TRMT2B: variants seen among roughly 807,000 people sequenced by gnomAD.
TRMT2B encodes tRNA (uracil-5-)-methyltransferase homolog B.
Under a neutral mutation model 39.7 loss-of-function variants are expected in TRMT2B, and 34 were observed. The ratio of observed to expected loss-of-function variants is 0.86; its 90% CI spans 0.65 to 1.14. The LOEUF is 1.14. Ranked by LOEUF, TRMT2B falls within the 50% of genes most tolerant of loss-of-function variation. The pLI is 0.00. For synonymous variants in TRMT2B, 132 were observed against 137.3 expected (o/e 0.96, Z 0.27); for missense variants, 318 against 377.2 (o/e 0.84, Z 1.30).
intron 5 of TRMT2B, 128 bp from the exon 6 acceptor site, chrX:101,037,201 T>A: frequency 4.0e-6 from 2 of 498,755 alleles, no homozygotes; most frequent in Non-Finnish European, 7.0e-6. Context: ...GTATGGCATA[T>A]GTGAAAGTCT....
intron 7 of TRMT2B, among the ~76,000 whole-genome samples, chrX:101,029,535 A>G (rs184259494): frequency 9.0e-6 from 1 of 111,418 alleles, no homozygotes; most frequent in African/African-American, 3.3e-5. Context: ...TCAACATATC[A>G]TATGATTTAC....
chrX:100,984,118 G>GTT, the TRMT2B span, among the ~76,000 whole-genome samples: 6 of 97,958 alleles, frequency 6.1e-5, no homozygotes, highest in South Asian at 4.6e-4. Flanking sequence ...TTTGTTTTTT[G>GTT]TTTTTTTTTT....
At position 101,038,068 on chromosome X, in the gene TRMT2B, G is replaced by A; in HGVS notation, c.304-17C>T. ...AAATTTCACCTGCAAAAGAATATAA[G>A]CTATGAAACGAAATACTGGCTGGGC... On this transcript the variant is annotated splice_polypyrimidine_tract_variant and intron_variant, in intron 4 of 13. Transcript: ENST00000372936. 1.7e-6 allele frequency: 2 copies of A among 1,205,831 alleles called. No homozygotes were observed. Among genetic ancestry groups the A allele is most frequent in the Non-Finnish European group, 2.2e-6 (2 of 892,094 alleles).
At chrX:100,997,102 G>A in the TRMT2B span, among the ~76,000 whole-genome samples, 1 of 110,581 alleles carries the variant, frequency 9.0e-6, no homozygotes, top group East Asian at 2.8e-4. Context: ...GGTACTTACA[G>A]TCAGTCAAAC....
chrX:100,987,862 G>C, the TRMT2B span, among the ~76,000 whole-genome samples: 1 of 111,903 alleles, frequency 8.9e-6, no homozygotes, highest in Non-Finnish European at 1.9e-5. Context: ...ATGTGGAGGA[G>C]AAAAGGAACA....
Position 101,010,624 on chromosome X carries a change from G to A in TRMT2B, c.1472C>T (p.Pro491Leu). 8 of 1,211,368 alleles carry A rather than the reference G, an allele frequency of 6.6e-6. No individual in the cohort carries two copies. Among genetic ancestry groups the A allele is most frequent in the African/African-American group, 1.7e-5 (1 of 57,798 alleles). Reference protein sequence around the residue: ...LQQAVPVDLFPHTPHCELVLL... With the variant: ...LQQAVPVDLFLHTPHCELVLL... ...CACCAGCTCACAATGTGGGGTGTGA[G>A]GGAACAAATCCACAGGTACAGCTTG... Residue 491 changes from proline (P) to leucine (L), a missense_variant, in exon 14 of 14, where the codon CCT (proline) becomes CTT (leucine). Physicochemically the swap from Pro to Leu is moderately conservative, Grantham distance 98. Coordinates refer to ENST00000372936, the MANE Select transcript of TRMT2B (RefSeq NM_024917.6).
chrX:101,001,348 G>T, the TRMT2B span, among the ~76,000 whole-genome samples: 1 of 110,360 alleles, frequency 9.1e-6, no homozygotes, highest in East Asian at 2.9e-4. Context: ...TAATCCTCCC[G>T]CCTCATCCTC....
At chrX:100,998,752 A>C in the TRMT2B span, among the ~76,000 whole-genome samples, 2 of 111,179 alleles carry the variant, frequency 1.8e-5, no homozygotes, top group African/African-American at 6.5e-5. Flanking sequence ...CTTGTCCTAG[A>C]TCACAGAGCA....
intron 7 of TRMT2B, among the ~76,000 whole-genome samples, chrX:101,035,314 C>T (rs947191677): frequency 8.9e-6 from 1 of 112,196 alleles, no homozygotes; most frequent in Non-Finnish European, 1.9e-5. Context: ...ATACTTCAGA[C>T]ACCTGACACT....
chrX:100,976,659 C>T, the TRMT2B span, among the ~76,000 whole-genome samples: 1 of 112,581 alleles, frequency 8.9e-6, no homozygotes, highest in African/African-American at 3.2e-5. Flanking sequence ...GTTGCCCAAG[C>T]TGGAGTGCAA....
At chrX:101,015,681 A>G in intron 13 of TRMT2B, 1 of 703,234 alleles carries the variant, frequency 1.4e-6, no homozygotes. Context: ...GTGAACTGCA[A>G]ATTATTTTCC....
the TRMT2B span, among the ~76,000 whole-genome samples, chrX:100,982,470 A>AAAATAAATAAAT: frequency 8.6e-3 from 789 of 91,279 alleles, 4 homozygotes; most frequent in African/African-American, 0.016. Context: ...CCAGGCTTAA[A>AAAATAAATAAAT]AAATAAATAA....
In TRMT2B at chrX:101,010,653, C is replaced by G; in HGVS notation, c.1443G>C (p.Leu481=). The part of the protein sequence containing the change: ...AKKLLGEPFV[L]QQAVPVDLFP... The stretch of plus-strand genomic sequence containing the variant: ...ACAAATCCACAGGTACAGCTTGCTG[C>G]AGGACAAAGGGCTCGCCTAAGAGCT... The change falls in exon 14 of 14, where the codon CTG becomes CTC. Residue 481 remains leucine (L), a synonymous_variant. Coordinates refer to ENST00000372936, the MANE Select transcript of TRMT2B (RefSeq NM_024917.6). The G allele has an allele frequency of 8.3e-7, 1 of 1,210,973 alleles. No individual in the cohort carries two copies. Among genetic ancestry groups the G allele is most frequent in the Non-Finnish European group, 1.1e-6 (1 of 895,151 alleles).
intron 2 of TRMT2B, among the ~76,000 whole-genome samples, chrX:101,047,553 C>T (rs925935033): frequency 1.8e-5 from 2 of 111,074 alleles, no homozygotes; most frequent in African/African-American, 3.3e-5. Context: ...TGGGGTTGGC[C>T]GGGCATGGTG....
chrX:101,007,708 A>G (rs2086124536), downstream of TRMT2B, among the ~76,000 whole-genome samples: 1 of 111,561 alleles, frequency 9.0e-6, no homozygotes, highest in Non-Finnish European at 1.9e-5. Context: ...CCAATGACAG[A>G]TTTTAAGTAA....
the TRMT2B span, among the ~76,000 whole-genome samples, chrX:101,000,042 A>T: frequency 1.8e-5 from 2 of 111,742 alleles, no homozygotes; most frequent in African/African-American, 6.5e-5. Flanking sequence ...CTAGAAGAGG[A>T]GTGGGAATCA....
Position 101,010,383 on chromosome X carries a change from G to A in TRMT2B, c.*198C>T. On this transcript the variant is annotated 3_prime_UTR_variant, in exon 14 of 14. Transcript: ENST00000372936. Reference sequence around the variant, plus strand: ...GCTGAGATCACGCCACGACACTCCAGCCTGGGCAAGAGTGAGACTCTATCT... The same window carrying A: ...GCTGAGATCACGCCACGACACTCCAACCTGGGCAAGAGTGAGACTCTATCT... The A allele has an allele frequency of 4.5e-6, 2 of 439,793 alleles. No individual in the cohort carries two copies. The highest frequency in any genetic ancestry group is 7.8e-6 in the Non-Finnish European group (2 of 256,729). The allele number at this position is 439,793 out of a possible 1,213,427, so 36.2% of individuals were successfully genotyped here.
chrX:100,988,350 T>TC, the TRMT2B span: 23 of 1,203,202 alleles, frequency 1.9e-5, no homozygotes, highest in East Asian at 2.4e-4. Context: ...CAACTAACTT[T>TC]CCCCCCCATC....
intron 13 of TRMT2B, among the ~76,000 whole-genome samples, chrX:101,014,908 G>A (rs1420612736): frequency 9.1e-6 from 1 of 110,418 alleles, no homozygotes; most frequent in African/African-American, 3.3e-5. Flanking sequence ...GCTACTAGGA[G>A]GTTGACACAG....
Sources: allele counts gnomAD v4.1 joint callset (sites outside exome capture counted in the v4.1 genomes callset), GRCh38; gene constraint gnomAD v4.1.1; transcripts MANE v1.5; gene names NCBI Gene and HGNC (gene_info 2026-07-23, HGNC 2026-07-21).